PRRC2A: variants seen among roughly 807,000 people sequenced by gnomAD.
PRRC2A encodes the protein proline rich coiled-coil 2A.
In PRRC2A, 59 loss-of-function variants were observed where a neutral mutation model predicts 224.6. The ratio of observed to expected loss-of-function variants is 0.26; its 90% confidence interval spans 0.21 to 0.33. PRRC2A has a LOEUF of 0.33. Among genes scored for constraint, PRRC2A ranks in the 10% least tolerant of loss-of-function variants. The pLI is 1.00. For synonymous variants in PRRC2A, 1,194 were observed against 1,109.5 expected (o/e 1.08, Z -1.51); for missense variants, 3,095 against 2,880.7 (o/e 1.07, Z -1.70).
Position 31,628,127 on chromosome 6 carries a change from G to A in PRRC2A, c.1653G>A (p.Gln551=). ...TPETEPEEPA[Q]APPAQSTPTP... is the part of the protein sequence containing the mutation. Reference sequence around the variant, plus strand: ...AGACAGAACCTGAAGAGCCAGCACAGGCCCCTCCTGCCCAATCTACTCCTA... The same window carrying A: ...AGACAGAACCTGAAGAGCCAGCACAAGCCCCTCCTGCCCAATCTACTCCTA... Residue 551 remains glutamine, a synonymous_variant, in exon 12 of 31, where the codon CAG becomes CAA. Transcript: ENST00000376033. The A allele has an allele frequency of 6.2e-7, 1 of 1,613,124 alleles. No homozygotes were observed. Among genetic ancestry groups the A allele is most frequent in the Non-Finnish European group, 8.5e-7 (1 of 1,180,004 alleles).
intron 15 of PRRC2A, 119 bp downstream of exon 15, chr6:31,630,920 G>GT: frequency 3.7e-6 from 5 of 1,363,440 alleles, no homozygotes; most frequent in South Asian, 1.4e-5. Context: ...GCTGGATGGA[G>GT]TGGCTCATGC....
intron 13 of PRRC2A, 53 bp downstream of exon 13, chr6:31,629,387 C>A: frequency 6.6e-7 from 1 of 1,521,290 alleles, no homozygotes; most frequent in Non-Finnish European, 8.8e-7. Context: ...TGGCTTCGGT[C>A]CCTAATTCTC....
chr6:31,629,355 C>T (rs778992828), intron 13 of PRRC2A, 21 bp downstream of exon 13: 7 of 1,538,400 alleles, frequency 4.6e-6, no homozygotes, highest in African/African-American at 1.4e-5. Context: ...GTTGTTTACC[C>T]TCTAAGGGCT....
rs768740260 is a variant in PRRC2A, at chr6:31,636,536, G to A, written c.5862G>A (p.Ser1954=). 7.5e-6 allele frequency: 12 copies of A among 1,608,948 alleles called. No homozygotes were observed. The highest frequency in any genetic ancestry group is 2.2e-5 in the East Asian group (1 of 44,864). Residue 1954 remains serine, a synonymous_variant, in exon 27 of 31, where the codon TCG becomes TCA. Coordinates refer to ENST00000376033, the MANE Select transcript of PRRC2A (RefSeq NM_004638.4). This position sits in a 1 kb window ranked among gnomAD's most constrained non-coding sequence, Gnocchi z 4.3. The stretch of plus-strand genomic sequence containing the variant: ...TACGCCAGGATCTGCCATCCCCTTC[G>A]GATTTTTATTCTACTCCTCTGCAGC... ...LQVRQDLPSP[S]DFYSTPLQPG...
rs1225327143 is a variant in PRRC2A, at chr6:31,623,761, G to A, written c.142G>A (p.Gly48Arg). ...CCCTCGCCATGGCCTGCAGAGTCTCGGGAAAGTTGCCATTGCCCGGCGTAT... is the reference window on the plus strand; with the variant it reads ...CCCTCGCCATGGCCTGCAGAGTCTCAGGAAAGTTGCCATTGCCCGGCGTAT... ...VAPRHGLQSLGKVAIARRMPP... is the reference protein window; with the variant it reads ...VAPRHGLQSLRKVAIARRMPP... The change falls in exon 3 of 31, where the codon GGG becomes AGG. Residue 48 changes from glycine to arginine, a missense_variant. Transcript: ENST00000376033. 3 of 1,614,168 alleles carry A rather than the reference G, an allele frequency of 1.9e-6. No individual in the cohort carries two copies. The highest frequency in any genetic ancestry group is 1.7e-5 in the Admixed American group (1 of 60,020).
chr6:31,627,822 C>T lies in PRRC2A; in HGVS notation c.1348C>T (p.Arg450Trp), dbSNP rs778782170. ...PAPEDEDEAW[R>W]QRRKQSSSEI... ...ACCTGAAGATGAGGATGAGGCATGG[C>T]GGCAGCGACGAAAGCAGTCGTCATC... Residue 450 changes from arginine (R) to tryptophan (W), a missense_variant, in exon 12 of 31, where the codon CGG becomes TGG. Physicochemically the swap from Arg to Trp is moderately radical, Grantham distance 101 (BLOSUM62 -3). This residue lies in a region of PRRC2A where 2,001 missense variants were observed against 1,764.9 expected (regional missense o/e 1.13). Coordinates refer to ENST00000376033, the MANE Select transcript of PRRC2A (RefSeq NM_004638.4). This position sits in a 1 kb window ranked among gnomAD's most constrained non-coding sequence, Gnocchi z 5.6. 5 of 1,612,956 alleles carry T rather than the reference C, an allele frequency of 3.1e-6. No homozygotes were observed. The highest frequency in any genetic ancestry group is 4.2e-6 in the Non-Finnish European group (5 of 1,180,050).
chr6:31,632,841 C>T lies in PRRC2A; in HGVS notation c.4168C>T (p.Pro1390Ser). ...TAAACGGAGCTTCTCAAGTCAGCGG[C>T]CAGGCATGGAACGGCAGAATCGGCG... is the stretch of plus-strand genomic sequence containing the variant. Reference protein sequence around the residue: ...LSKRSFSSQRPGMERQNRRPG... With the variant: ...LSKRSFSSQRSGMERQNRRPG... The change falls in exon 16 of 31, where the codon CCA becomes TCA. Residue 1390 changes from proline (P) to serine (S), a missense_variant. Physicochemically the swap from Pro to Ser is moderately conservative, Grantham distance 74. Transcript: ENST00000376033. 4 of 1,613,126 alleles carry T rather than the reference C, an allele frequency of 2.5e-6. No individual in the cohort carries two copies. Among genetic ancestry groups the T allele is most frequent in the Non-Finnish European group, 3.4e-6 (4 of 1,180,022 alleles).
chr6:31,626,753 T>TA lies in PRRC2A; in HGVS notation c.983-18dup. 1.9e-6 allele frequency: 3 copies of TA among 1,559,080 alleles called. No individual in the cohort carries two copies. The highest frequency in any genetic ancestry group is 2.6e-6 in the Non-Finnish European group (3 of 1,150,630). On this transcript the variant is annotated intron_variant, in intron 9 of 30. Coordinates refer to ENST00000376033, the MANE Select transcript of PRRC2A (RefSeq NM_004638.4). ...GAGGGCAGAATGCTTGGGTTACTAATACTCATATTTCCCCTCAGGGGCCCA... is the reference window on the plus strand; with the variant it reads ...GAGGGCAGAATGCTTGGGTTACTAATAACTCATATTTCCCCTCAGGGGCCCA...
Position 31,631,540 on chromosome 6 carries a change from C to T in PRRC2A, c.2867C>T (p.Pro956Leu), listed in dbSNP as rs1255307233. The T allele has an allele frequency of 2.5e-6, 4 of 1,594,532 alleles. No homozygotes were observed. The highest frequency in any genetic ancestry group is 8.5e-7 in the Non-Finnish European group (1 of 1,173,924). The change falls in exon 16 of 31, where the codon CCA becomes CTA. Residue 956 changes from proline (P) to leucine (L), a missense_variant. Pro to Leu is a moderately conservative substitution (Grantham distance 98, BLOSUM62 -3). This residue lies in a region of PRRC2A where 2,001 missense variants were observed against 1,764.9 expected (regional missense o/e 1.13). Transcript: ENST00000376033. The surrounding 1 kb of genome is among the most constrained non-coding windows in gnomAD (Gnocchi z 4.5). ...CGGGCTGGGCCTATAAAGAAACCTCCACCACCTACAAAAGTAGAAGAGCTG... is the reference window on the plus strand; with the variant it reads ...CGGGCTGGGCCTATAAAGAAACCTCTACCACCTACAAAAGTAGAAGAGCTG... Reference protein sequence around the residue: ...PRRAGPIKKPPPPTKVEELPP... With the variant: ...PRRAGPIKKPLPPTKVEELPP...
At chr6:31,635,031 C>G in intron 21 of PRRC2A, 54 bp downstream of exon 21, 2 of 1,599,602 alleles carry the variant, frequency 1.3e-6, no homozygotes, top group South Asian at 1.1e-5. Context: ...GACTTTGGCC[C>G]TACCTTTTTC....
intron 30 of PRRC2A, 28 bp downstream of exon 30, chr6:31,637,352 C>G (rs367593801): frequency 4.6e-4 from 743 of 1,603,744 alleles, no homozygotes; most frequent in Non-Finnish European, 6.1e-4. Context: ...GTGGCCCCAA[C>G]TCTAAATTCG....
At chr6:31,633,834 T>TG (rs772398984) in intron 17 of PRRC2A, 25 bp from the exon 18 acceptor site, 1 of 1,566,074 alleles carries the variant, frequency 6.4e-7, no homozygotes, top group Non-Finnish European at 8.6e-7. Flanking sequence ...GCCAGGCAGA[T>TG]GCTGACCCTT....
rs760784929 is a variant in PRRC2A, at chr6:31,636,350, C to T, written c.5766C>T (p.Tyr1922=). 3.1e-6 allele frequency: 5 copies of T among 1,612,882 alleles called. No individual in the cohort carries two copies. In the African/African-American group the frequency reaches 4.0e-5, roughly 13 times the overall value. Residue 1922 remains tyrosine, a synonymous_variant, in exon 26 of 31, where the codon TAC becomes TAT. Coordinates refer to ENST00000376033, the MANE Select transcript of PRRC2A (RefSeq NM_004638.4). The surrounding 1 kb of genome is among the most constrained non-coding windows in gnomAD (Gnocchi z 4.3). ...AGTTGCCGGCTGGAGGAGTTCTCTA[C>T]CCTCCACCTTCCTTCCTCTACTCTC... is the stretch of plus-strand genomic sequence containing the variant. ...LGKLPAGGVL[Y]PPPSFLYSPA... is the part of the protein sequence containing the mutation.
intron 12 of PRRC2A, chr6:31,628,894 C>T (rs1442610065): frequency 1.4e-5 from 7 of 486,712 alleles, no homozygotes; most frequent in East Asian, 3.5e-5. Flanking sequence ...AAACTATTTC[C>T]TATAGGCCAA....
At position 31,631,692 on chromosome 6, in the gene PRRC2A, C is replaced by T. The variant is rs748414946; in HGVS notation, c.3019C>T (p.Pro1007Ser). The T allele has an allele frequency of 6.6e-6, 10 of 1,514,486 alleles. No homozygotes were observed. The highest frequency in any genetic ancestry group is 8.8e-6 in the Non-Finnish European group (10 of 1,133,138). The allele number at this position is 1,514,486 out of a possible 1,614,324, so 93.8% of individuals were successfully genotyped here. A position where few individuals can be genotyped will look rare whatever the true frequency, so the allele number is the denominator to read the frequency against. Residue 1007 changes from proline (P) to serine (S), a missense_variant, in exon 16 of 31, where the codon CCA becomes TCA. Physicochemically the swap from Pro to Ser is moderately conservative, Grantham distance 74. Around this residue, in one of 8 missense-constraint regions of PRRC2A, gnomAD observed 2,001 missense variants for 1,764.9 expected, o/e 1.13. Transcript: ENST00000376033. This position sits in a 1 kb window ranked among gnomAD's most constrained non-coding sequence, Gnocchi z 4.5. ...ACCCAATGGAAATCTTTCCCCTGCC[C>T]CAAGGCTTCGGAGGGACTATTCGTA... ...TPPNGNLSPAPRLRRDYSYER... is the reference protein window; with the variant it reads ...TPPNGNLSPASRLRRDYSYER...
chr6:31,620,988 G>A (rs2150483586), intron 1 of PRRC2A, 130 bp downstream of exon 1: 1 of 154,432 alleles, frequency 6.5e-6, no homozygotes, highest in African/African-American at 2.4e-5. Context: ...CCGCCATTTT[G>A]TCCTCCTGCT....
chr6:31,635,828 C>G, intron 24 of PRRC2A, 79 bp downstream of exon 24: 1 of 1,490,298 alleles, frequency 6.7e-7, no homozygotes, highest in Non-Finnish European at 9.0e-7. Context: ...ATAATCAAGC[C>G]TTTCTACGTT....
chr6:31,633,439 T>G lies in PRRC2A; in HGVS notation c.4380T>G (p.Ser1460=). 1 of 1,613,072 alleles carries G rather than the reference T, an allele frequency of 6.2e-7. No homozygotes were observed. The highest frequency in any genetic ancestry group is 8.5e-7 in the Non-Finnish European group (1 of 1,180,016). The change falls in exon 17 of 31, where the codon TCT becomes TCG. Residue 1460 remains serine (S), a synonymous_variant. Transcript: ENST00000376033. The part of the protein sequence containing the change: ...LPLPPPPPSS[S]AVFRLDQVIH... Reference sequence around the variant, plus strand: ...TGCCTCCCCCACCTCCCAGCAGTTCTGCTGTCTTCCGCCTGGACCAAGTTA... The same window carrying G: ...TGCCTCCCCCACCTCCCAGCAGTTCGGCTGTCTTCCGCCTGGACCAAGTTA...
chr6:31,629,496 T>C, intron 13 of PRRC2A, 52 bp from the exon 14 acceptor site: 3 of 1,419,886 alleles, frequency 2.1e-6, no homozygotes, highest in Non-Finnish European at 2.0e-6. Flanking sequence ...GCTGATTCCT[T>C]TGTCCATGTG....
Sources: gnomAD v4.1 joint callset for allele counts on GRCh38, gnomAD v4.1.1 for gene constraint, gnomAD v4.1.1 regional missense constraint, Gnocchi (gnomAD v3.1) non-coding constraint, MANE v1.5 for transcripts, NCBI Gene and HGNC (gene_info 2026-07-23, HGNC 2026-07-21) for gene names.